SOX5: variants seen among roughly 807,000 people sequenced by gnomAD.
SOX5 encodes SRY-box transcription factor 5.
In SOX5, 9 loss-of-function variants were observed where a neutral mutation model predicts 92.0. The ratio of observed to expected loss-of-function variants is 0.10; its 90% CI spans 0.06 to 0.17. The LOEUF (loss-of-function observed/expected upper bound fraction) is 0.17, where lower values mean the gene tolerates loss of function less well. Among genes scored for constraint, SOX5 ranks in the 10% least tolerant of loss-of-function variants. The probability of loss-of-function intolerance (pLI) is 1.00; values close to 1 mark genes in which losing one functional copy is unlikely to be tolerated. For missense variants in SOX5, 642 were observed against 944.5 expected (o/e 0.68, Z 4.20); for synonymous variants, 344 against 336.3 (o/e 1.02, Z -0.25).
At chr12:24,462,224 G>C (rs113961040) in intron 1 of SOX5, among the ~76,000 whole-genome samples, 1 of 152,136 alleles carries the variant, frequency 6.6e-6, no homozygotes, top group Non-Finnish European at 1.5e-5. Flanking sequence ...GCCTGTTACT[G>C]TACTGAATAC....
chr12:24,144,928 C>CA (rs1032320298), intron 4 of SOX5, among the ~76,000 whole-genome samples: 32 of 152,042 alleles, frequency 2.1e-4, no homozygotes, highest in African/African-American at 7.2e-4. Flanking sequence ...CATATCTCTA[C>CA]AAAAAAACTA....
chr12:23,751,902 C>T (rs936530906), intron 4 of SOX5, among the ~76,000 whole-genome samples: 4 of 151,690 alleles, frequency 2.6e-5, no homozygotes, highest in African/African-American at 9.7e-5. Flanking sequence ...CAGAAGAATC[C>T]ATCAGAGATT....
intron 6 of SOX5, among the ~76,000 whole-genome samples, chr12:23,694,820 C>T (rs889337015): frequency 3.0e-4 from 45 of 152,016 alleles, no homozygotes; most frequent in Non-Finnish European, 1.2e-4. Context: ...TTGTATAATG[C>T]TTTTGAGATG....
At chr12:23,677,307 C>T (rs1045016610) in intron 6 of SOX5, among the ~76,000 whole-genome samples, 1 of 152,032 alleles carries the variant, frequency 6.6e-6, no homozygotes, top group African/African-American at 2.4e-5. Flanking sequence ...ATGAAATAAC[C>T]CAAGAACTGC....
At chr12:23,787,429 C>T (rs182124651) in intron 3 of SOX5, among the ~76,000 whole-genome samples, 4 of 151,910 alleles carry the variant, frequency 2.6e-5, no homozygotes, top group South Asian at 2.1e-4. Context: ...AGATTTAAAC[C>T]GACTAATTTT....
At chr12:23,987,667 C>A (rs943972430) in intron 4 of SOX5, among the ~76,000 whole-genome samples, 1 of 152,138 alleles carries the variant, frequency 6.6e-6, no homozygotes, top group Non-Finnish European at 1.5e-5. Flanking sequence ...GTGCTGTGTG[C>A]CTATAGTCCC....
chr12:24,357,662 G>A (rs2141229260), intron 2 of SOX5, among the ~76,000 whole-genome samples: 1 of 152,158 alleles, frequency 6.6e-6, no homozygotes, highest in South Asian at 2.1e-4. Flanking sequence ...GGGCAACACG[G>A]TGAAACTCCA....
intron 3 of SOX5, among the ~76,000 whole-genome samples, chr12:23,757,051 G>A (rs1463308218): frequency 6.6e-6 from 1 of 151,946 alleles, no homozygotes; most frequent in East Asian, 1.9e-4. Flanking sequence ...GAACACTTCT[G>A]TCTCACATGT....
chr12:23,878,937 T>G (rs1478895722), intron 2 of SOX5, among the ~76,000 whole-genome samples: 1 of 152,118 alleles, frequency 6.6e-6, no homozygotes, highest in African/African-American at 2.4e-5. Context: ...AGTTACTCCT[T>G]TTAGCTCTGA....
chr12:24,012,057 T>A (rs1953005708), intron 4 of SOX5, among the ~76,000 whole-genome samples: 1 of 152,190 alleles, frequency 6.6e-6, no homozygotes, highest in South Asian at 2.1e-4. Flanking sequence ...TCACTTTTGC[T>A]AACTTTTTGT....
At chr12:23,920,771 T>A (rs987581612) in intron 1 of SOX5, among the ~76,000 whole-genome samples, 1 of 152,200 alleles carries the variant, frequency 6.6e-6, no homozygotes, top group African/African-American at 2.4e-5. Flanking sequence ...GTTACTTAAT[T>A]TGAGGTCCTC....
At chr12:23,548,723 T>C (rs947905405) in intron 11 of SOX5, among the ~76,000 whole-genome samples, 1 of 152,060 alleles carries the variant, frequency 6.6e-6, no homozygotes, top group East Asian at 1.9e-4. Flanking sequence ...AAGTAAAAAA[T>C]AATTGTCCTA....
intron 9 of SOX5, among the ~76,000 whole-genome samples, chr12:23,591,277 A>G (rs1003857503): frequency 2.0e-5 from 3 of 152,128 alleles, no homozygotes; most frequent in East Asian, 1.9e-4. Flanking sequence ...AAACTATGAT[A>G]ACTAGGGTTC....
At chr12:24,369,590 T>C (rs1200565822) in intron 1 of SOX5, among the ~76,000 whole-genome samples, 1 of 152,248 alleles carries the variant, frequency 6.6e-6, no homozygotes, top group Non-Finnish European at 1.5e-5. Context: ...CCCCAGACTC[T>C]ACCTTACATA....
intron 4 of SOX5, among the ~76,000 whole-genome samples, chr12:24,086,431 T>G (rs1279508623): frequency 6.6e-6 from 1 of 151,950 alleles, no homozygotes; most frequent in South Asian, 2.1e-4. Context: ...TAATCTTACA[T>G]TACTTGAATG....
chr12:23,633,214 C>A (rs1223359353), intron 8 of SOX5, among the ~76,000 whole-genome samples: 2 of 151,904 alleles, frequency 1.3e-5, no homozygotes, highest in East Asian at 1.9e-4. Context: ...AATTTCAAAT[C>A]TTAGAAGTGT....
chr12:24,080,292 G>C (rs909519290), intron 4 of SOX5, among the ~76,000 whole-genome samples: 1 of 151,850 alleles, frequency 6.6e-6, no homozygotes, highest in Non-Finnish European at 1.5e-5. Flanking sequence ...AAAATATTTA[G>C]TATAGATTAA....
At chr12:24,364,803 A>C (rs1955998062) in intron 2 of SOX5, among the ~76,000 whole-genome samples, 2 of 152,086 alleles carry the variant, frequency 1.3e-5, no homozygotes, top group Admixed American at 1.3e-4. Flanking sequence ...AAAGGAGAAC[A>C]AAACAAAATC....
At chr12:23,553,287 G>T (rs1482491345) in intron 11 of SOX5, among the ~76,000 whole-genome samples, 1 of 151,924 alleles carries the variant, frequency 6.6e-6, no homozygotes, top group African/African-American at 2.4e-5. Flanking sequence ...CAGGTACTTT[G>T]TTAAAGACAC....
Sources: gnomAD v4.1 joint callset for allele counts (sites outside exome capture counted in the v4.1 genomes callset) on GRCh38, gnomAD v4.1.1 for gene constraint, MANE v1.5 for transcripts, NCBI Gene and HGNC (gene_info 2026-07-23, HGNC 2026-07-21) for gene names.